Variants in SYNPO2 observed in about 807,000 individuals in gnomAD.
SYNPO2 encodes synaptopodin-2.
Under a neutral mutation model 85.0 loss-of-function variants are expected in SYNPO2, and 56 were observed. The observed-to-expected ratio is 0.66, with a 90% CI of 0.53 to 0.82. SYNPO2 has a LOEUF of 0.82. Among genes scored for constraint, SYNPO2 ranks in the 40% least tolerant of loss-of-function variants. SYNPO2 has a pLI of 0.00. For synonymous variants in SYNPO2, 602 were observed against 591.1 expected (o/e 1.02, Z -0.27); for missense variants, 1,575 against 1,534.2 (o/e 1.03, Z -0.44).
intron 1 of SYNPO2, among the ~76,000 whole-genome samples, chr4:118,950,161 T>TA (rs1312458468): frequency 6.6e-6 from 1 of 152,236 alleles, no homozygotes; most frequent in East Asian, 1.9e-4. Flanking sequence ...ATCATTTCAT[T>TA]AATTTGTAAT....
upstream of SYNPO2, among the ~76,000 whole-genome samples, chr4:118,885,731 C>A (rs1051186695): frequency 2.0e-4 from 31 of 152,264 alleles, no homozygotes; most frequent in African/African-American, 7.0e-4. Context: ...CCTTGCCCAC[C>A]TTGTCTTCCC....
At chr4:118,866,228 G>A (rs934189714) in intron 1 of SYNPO2, among the ~76,000 whole-genome samples, 2 of 152,110 alleles carry the variant, frequency 1.3e-5, no homozygotes, top group African/African-American at 4.8e-5. Context: ...TGTGTGCATT[G>A]TAGGATGTTT....
At chr4:118,971,513 T>C (rs754043503) in intron 1 of SYNPO2, among the ~76,000 whole-genome samples, 4 of 152,254 alleles carry the variant, frequency 2.6e-5, no homozygotes, top group Non-Finnish European at 4.4e-5. Context: ...GGCGCTTCCA[T>C]ATCTTTTAGG....
chr4:118,953,255 C>T (rs1386520857), intron 1 of SYNPO2, among the ~76,000 whole-genome samples: 2 of 152,160 alleles, frequency 1.3e-5, no homozygotes, highest in Non-Finnish European at 2.9e-5. Flanking sequence ...AGTTTTCCTG[C>T]ATTGATTCTA....
chr4:118,894,157 A>G (rs953425632), intron 1 of SYNPO2, among the ~76,000 whole-genome samples: 1 of 151,978 alleles, frequency 6.6e-6, no homozygotes, highest in Non-Finnish European at 1.5e-5. Context: ...AGGTTAAAAA[A>G]AAAAGTGAGG....
rs1426430557 is a variant in SYNPO2 at position 119,030,344 on chromosome 4, T to G, written c.1569T>G (p.Asp523Glu). 6.2e-7 allele frequency: 1 copy of G among 1,613,980 alleles called. No individual in the cohort carries two copies. The highest frequency in any genetic ancestry group is 1.1e-5 in the South Asian group (1 of 91,068). Residue 523 changes from aspartate (D) to glutamate (E), a missense_variant, in exon 4 of 5, where the codon GAT becomes GAG. Around this residue, in one of 3 missense-constraint regions of SYNPO2, gnomAD observed 1,508 missense variants for 1,446.8 expected, o/e 1.04. Transcript: ENST00000307142. ...KVGGTPSREQ[D>E]AAQTDGLRTT... is the part of the protein sequence containing the mutation. Reference sequence around the variant, plus strand: ...GTGGAACGCCAAGCAGAGAACAAGATGCTGCCCAGACCGATGGCCTGAGAA... The same window carrying G: ...GTGGAACGCCAAGCAGAGAACAAGAGGCTGCCCAGACCGATGGCCTGAGAA...
At chr4:118,967,484 C>A (rs1735358126) in intron 1 of SYNPO2, among the ~76,000 whole-genome samples, 1 of 152,226 alleles carries the variant, frequency 6.6e-6, no homozygotes, top group African/African-American at 2.4e-5. Flanking sequence ...CTAATCCTTG[C>A]TGGATGGTAG....
chr4:118,859,871 A>G (rs967975353), intron 1 of SYNPO2, among the ~76,000 whole-genome samples: 1 of 152,214 alleles, frequency 6.6e-6, no homozygotes, highest in Non-Finnish European at 1.5e-5. Context: ...TAGTGCTGCA[A>G]TAAACATGAG....
intron 1 of SYNPO2, among the ~76,000 whole-genome samples, chr4:118,897,805 A>G (rs1406711080): frequency 1.3e-5 from 2 of 152,270 alleles, no homozygotes; most frequent in African/African-American, 2.4e-5. Context: ...GCTCCTAGAC[A>G]TGTCACTTTT....
At chr4:118,992,032 T>A (rs1736437322) in intron 1 of SYNPO2, among the ~76,000 whole-genome samples, 1 of 152,012 alleles carries the variant, frequency 6.6e-6, no homozygotes, top group Non-Finnish European at 1.5e-5. Context: ...GGTCTAAGAA[T>A]AGGGAGAACT....
In SYNPO2 at chr4:119,030,660, C is replaced by A. The variant is rs369125736; in HGVS notation, c.1885C>A (p.Pro629Thr). 1.2e-6 allele frequency: 2 copies of A among 1,614,068 alleles called. No homozygotes were observed. Among genetic ancestry groups the A allele is most frequent in the African/African-American group, 1.3e-5 (1 of 74,932 alleles). Residue 629 changes from proline to threonine, a missense_variant, in exon 4 of 5, where the codon CCT becomes ACT. Around this residue, in one of 3 missense-constraint regions of SYNPO2, gnomAD observed 1,508 missense variants for 1,446.8 expected, o/e 1.04. Transcript: ENST00000307142. ...PPPYSAVTPP[P>T]DAFSRGVSSP... The stretch of plus-strand genomic sequence containing the variant: ...ACCTTACTCTGCAGTCACTCCTCCC[C>A]CTGACGCCTTCTCCAGAGGGGTTTC...
chr4:118,934,179 A>G (rs1309207000), intron 1 of SYNPO2, among the ~76,000 whole-genome samples: 2 of 152,172 alleles, frequency 1.3e-5, no homozygotes, highest in Non-Finnish European at 2.9e-5. Flanking sequence ...ATTTATTTGC[A>G]TGTGTGAAAA....
intron 1 of SYNPO2, among the ~76,000 whole-genome samples, chr4:118,913,480 A>G (rs1243092099): frequency 6.6e-6 from 1 of 152,152 alleles, no homozygotes; most frequent in Non-Finnish European, 1.5e-5. Context: ...GTATTGTGAG[A>G]AAGGTCAGTG....
At chr4:118,973,908 GTT>G (rs1735631761) in intron 1 of SYNPO2, among the ~76,000 whole-genome samples, 1 of 152,136 alleles carries the variant, frequency 6.6e-6, no homozygotes, top group African/African-American at 2.4e-5. Flanking sequence ...TCAGAACATA[GTT>G]TAACACAAGT....
At chr4:118,876,682 TTTCTTTCTTTCTTTC>T (rs1159194824) in intron 1 of SYNPO2, among the ~76,000 whole-genome samples, 5 of 47,488 alleles carry the variant, frequency 1.1e-4, no homozygotes, top group African/African-American at 4.5e-4. Flanking sequence ...TCTTTCTTTC[TTTCTTTCTTTCTTTC>T]TTTCTTTCTT....
In SYNPO2 at chr4:119,030,280, T is replaced by C. The variant is rs201990314; in HGVS notation, c.1505T>C (p.Met502Thr). 2.5e-6 allele frequency: 4 copies of C among 1,613,682 alleles called. No homozygotes were observed. In the East Asian group the frequency reaches 8.9e-5, roughly 36 times the overall value. ...ALMFAKRRERMDQITAQKEED... is the reference protein window; with the variant it reads ...ALMFAKRRERTDQITAQKEED... The stretch of plus-strand genomic sequence containing the variant: ...ATGTTTGCCAAGAGGAGGGAGAGAA[T>C]GGATCAGATCACAGCCCAAAAAGAA... The change falls in exon 4 of 5, where the codon ATG (methionine) becomes ACG (threonine). Residue 502 changes from methionine to threonine, a missense_variant. Met to Thr is a moderately conservative substitution (Grantham distance 81). Transcript: ENST00000307142.
At chr4:118,929,385 T>G (rs1366334940) in intron 1 of SYNPO2, among the ~76,000 whole-genome samples, 1 of 152,110 alleles carries the variant, frequency 6.6e-6, no homozygotes, top group Non-Finnish European at 1.5e-5. Context: ...TATATCAACA[T>G]AAAGAATTCT....
intron 1 of SYNPO2, among the ~76,000 whole-genome samples, chr4:118,948,178 A>G (rs753769693): frequency 4.6e-5 from 7 of 152,166 alleles, no homozygotes; most frequent in African/African-American, 1.7e-4. Context: ...AAGATGAAAA[A>G]TTTTAATTAG....
intron 1 of SYNPO2, among the ~76,000 whole-genome samples, chr4:119,007,261 TATATATATATATATGTATATAC>T (rs1560972465): frequency 3.4e-5 from 1 of 29,374 alleles, no homozygotes; most frequent in African/African-American, 9.9e-5. Context: ...TACATATATA[TATATATATATATATGTATATAC>T]ATATATATAT....
Sources: gnomAD v4.1 joint callset for allele counts (sites outside exome capture counted in the v4.1 genomes callset) on GRCh38, gnomAD v4.1.1 for gene constraint, gnomAD v4.1.1 regional missense constraint, MANE v1.5 for transcripts, NCBI Gene and HGNC (gene_info 2026-07-23, HGNC 2026-07-21) for gene names.